Variants in PARD3 observed in about 807,000 individuals in gnomAD.
PARD3 encodes the protein partitioning defective 3 homolog.
Under a neutral mutation model 155.4 loss-of-function variants are expected in PARD3, and 75 were observed. The ratio of observed to expected loss-of-function variants is 0.48; its 90% CI spans 0.40 to 0.58. The LOEUF (loss-of-function observed/expected upper bound fraction) is 0.58, where lower values mean the gene tolerates loss of function less well. PARD3 is among the 20% of genes least tolerant of loss of function. PARD3 has a pLI of 0.00. For missense variants in PARD3, 1,642 were observed against 1,721.7 expected (o/e 0.95, Z 0.82); for synonymous variants, 576 against 610.5 (o/e 0.94, Z 0.83).
At chr10:34,768,828 C>G (rs1243294154) in intron 1 of PARD3, among the ~76,000 whole-genome samples, 2 of 152,238 alleles carry the variant, frequency 1.3e-5, no homozygotes, top group Non-Finnish European at 2.9e-5. Flanking sequence ...CATGCCACTC[C>G]CTGCTGAGCG....
intron 5 of PARD3, among the ~76,000 whole-genome samples, chr10:34,407,095 G>A (rs963887647): frequency 5.3e-5 from 8 of 152,202 alleles, no homozygotes; most frequent in Non-Finnish European, 1.0e-4. Flanking sequence ...GTAAATATCA[G>A]AGCAGACATT....
chr10:34,145,214 TA>T (rs1564429879), intron 22 of PARD3, among the ~76,000 whole-genome samples: 50 of 80,012 alleles, frequency 6.2e-4, no homozygotes, highest in East Asian at 3.5e-3. Context: ...TATATATATA[TA>T]TATATATTTT....
chr10:34,791,310 G>A (rs1020428603), intron 1 of PARD3, among the ~76,000 whole-genome samples: 7 of 152,070 alleles, frequency 4.6e-5, no homozygotes, highest in East Asian at 1.9e-4. Context: ...CATCACCTGC[G>A]TCCCTCTCGA....
At chr10:34,707,679 C>CTTTA (rs2094386449) in intron 1 of PARD3, among the ~76,000 whole-genome samples, 1 of 152,208 alleles carries the variant, frequency 6.6e-6, no homozygotes, top group Admixed American at 6.5e-5. Context: ...GCTATTACAT[C>CTTTA]TTTAAAATGG....
At chr10:34,293,801 C>T (rs1956782132) in intron 20 of PARD3, among the ~76,000 whole-genome samples, 1 of 152,198 alleles carries the variant, frequency 6.6e-6, no homozygotes, top group South Asian at 2.1e-4. Flanking sequence ...CTTTAAGCAG[C>T]TCAAGTGATG....
Position 34,245,277 on chromosome 10 carries a change from G to A in PARD3, c.3419+24380C>T, listed in dbSNP as rs140883647. ...GTTCCACACTGATGAGAAGGCATAC[G>A]TAACGGGGGTAGGAAAATGCTTGAC... On this transcript the variant is annotated intron_variant, in intron 22 of 24. Transcript: ENST00000374788. Among the ~76,000 whole-genome samples, 88 of 152,284 alleles carry A rather than the reference G, an allele frequency of 5.8e-4. No individual in the cohort carries two copies. In the East Asian group the frequency reaches 0.015, roughly 25 times the overall value.
intron 2 of PARD3, among the ~76,000 whole-genome samples, chr10:34,602,059 T>C (rs1386863548): frequency 6.6e-6 from 1 of 152,228 alleles, no homozygotes; most frequent in Non-Finnish European, 1.5e-5. Context: ...AGAAGTGTAC[T>C]TTGTCGAACT....
intron 1 of PARD3, among the ~76,000 whole-genome samples, chr10:34,800,304 C>T (rs970545108): frequency 2.6e-5 from 4 of 152,100 alleles, no homozygotes; most frequent in Non-Finnish European, 5.9e-5. Context: ...CTTACCATTA[C>T]TCTTGATAAT....
chr10:34,693,007 C>T (rs193245136), intron 2 of PARD3, among the ~76,000 whole-genome samples: 6 of 152,268 alleles, frequency 3.9e-5, no homozygotes, highest in South Asian at 4.2e-4. Flanking sequence ...TGAGACACCA[C>T]CTCACACCAG....
chr10:34,202,989 G>A (rs1323048611), intron 22 of PARD3, among the ~76,000 whole-genome samples: 1 of 152,140 alleles, frequency 6.6e-6, no homozygotes, highest in East Asian at 1.9e-4. Context: ...AATTCACTGA[G>A]GTCTGCACTT....
chr10:34,353,813 TCTTA>T (rs1354345692), intron 14 of PARD3, among the ~76,000 whole-genome samples: 2 of 151,788 alleles, frequency 1.3e-5, no homozygotes, highest in African/African-American at 4.8e-5. Flanking sequence ...ATTTTTCTCT[TCTTA>T]CTTTGTGTAT....
At chr10:34,618,252 TAAAA>T (rs2091397880) in intron 2 of PARD3, among the ~76,000 whole-genome samples, 1 of 152,184 alleles carries the variant, frequency 6.6e-6, no homozygotes, top group Non-Finnish European at 1.5e-5. Context: ...TGAATCCAAA[TAAAA>T]AAGTCTTTTA....
At chr10:34,678,421 G>A (rs1189117016) in intron 2 of PARD3, among the ~76,000 whole-genome samples, 2 of 152,160 alleles carry the variant, frequency 1.3e-5, no homozygotes, top group African/African-American at 4.8e-5. Flanking sequence ...ACAATGTACA[G>A]AACTGTGAAA....
intron 22 of PARD3, among the ~76,000 whole-genome samples, chr10:34,152,662 TTA>T (rs1296512723): frequency 1.3e-5 from 2 of 152,156 alleles, no homozygotes; most frequent in African/African-American, 4.8e-5. Flanking sequence ...ATCTAATACT[TTA>T]TGTTTTTTTC....
intron 2 of PARD3, among the ~76,000 whole-genome samples, chr10:34,658,634 G>A (rs970751470): frequency 2.6e-5 from 4 of 152,132 alleles, no homozygotes; most frequent in African/African-American, 4.8e-5. Flanking sequence ...ATCTAAAAAC[G>A]AGAAGGAACT....
chr10:34,223,546 G>T (rs1952428332), intron 22 of PARD3, among the ~76,000 whole-genome samples: 1 of 152,194 alleles, frequency 6.6e-6, no homozygotes. Flanking sequence ...GGCGAACAGG[G>T]TGAGAGATAA....
At chr10:34,148,209 C>T (rs980758859) in intron 22 of PARD3, among the ~76,000 whole-genome samples, 1 of 152,096 alleles carries the variant, frequency 6.6e-6, no homozygotes, top group African/African-American at 2.4e-5. Context: ...ACTAAAGAAC[C>T]GCTTTGGGAT....
At chr10:34,538,805 A>C (rs1165553570) in intron 2 of PARD3, among the ~76,000 whole-genome samples, 2 of 152,238 alleles carry the variant, frequency 1.3e-5, no homozygotes, top group African/African-American at 4.8e-5. Flanking sequence ...CCAATGATCC[A>C]AGTAGGAGAT....
intron 22 of PARD3, among the ~76,000 whole-genome samples, chr10:34,136,881 C>T (rs1947927221): frequency 1.3e-5 from 2 of 152,184 alleles, no homozygotes; most frequent in Non-Finnish European, 1.5e-5. Context: ...TTACCAGAAT[C>T]GGCATGTGTA....
Sources: allele counts gnomAD v4.1 joint callset (sites outside exome capture counted in the v4.1 genomes callset), GRCh38; gene constraint gnomAD v4.1.1; transcripts MANE v1.5; gene names NCBI Gene and HGNC (gene_info 2026-07-23, HGNC 2026-07-21).